The following BIN2 variants were observed in gnomAD, a reference collection of about 807,000 sequenced individuals.
The protein encoded by BIN2 is bridging integrator 2.
A neutral mutation model predicts 67.9 loss-of-function variants in BIN2; 43 were observed. The observed-to-expected ratio is 0.63, with a 90% confidence interval of 0.50 to 0.82. The LOEUF (loss-of-function observed/expected upper bound fraction) is 0.82, where lower values mean the gene tolerates loss of function less well. Ranked by LOEUF, BIN2 falls within the 40% of genes least tolerant of loss-of-function variation. The pLI is 0.00. For missense variants in BIN2, 581 were observed against 671.6 expected (o/e 0.87, Z 1.49); for synonymous variants, 244 against 246.8 (o/e 0.99, Z 0.11).
At chr12:51,290,530 T>C (rs1228172489) in intron 10 of BIN2, among the ~76,000 whole-genome samples, 1 of 151,980 alleles carries the variant, frequency 6.6e-6, no homozygotes, top group African/African-American at 2.4e-5. Context: ...AAGCCCCTTA[T>C]AGAAGTCAAT....
chr12:51,313,832 G>A lies in BIN2; in HGVS notation c.153C>T (p.Tyr51=), dbSNP rs201072153. Residue 51 remains tyrosine (Y), a synonymous_variant, in exon 2 of 13, where the codon TAC becomes TAT. Coordinates refer to ENST00000615107, the MANE Select transcript of BIN2 (RefSeq NM_016293.4). ...ERFEQSASNF[Y]QQQAEGHKLY... ...CTACCCTCCAGATTACCTGTTGTTG[G>A]TAGAAGTTGCTAGCGCTTTGTTCAA... 1.7e-5 allele frequency: 28 copies of A among 1,613,026 alleles called. No homozygotes were observed. The highest frequency in any genetic ancestry group is 1.1e-4 in the South Asian group (10 of 91,058).
intron 5 of BIN2, 47 bp from the exon 6 acceptor site, chr12:51,299,761 G>T: frequency 6.7e-7 from 1 of 1,488,738 alleles, no homozygotes; most frequent in East Asian, 2.3e-5. Flanking sequence ...CTTTTTAGTG[G>T]CCAGGATGTA....
chr12:51,296,278 C>T (rs1026647895), intron 8 of BIN2, among the ~76,000 whole-genome samples: 21 of 152,096 alleles, frequency 1.4e-4, no homozygotes, highest in African/African-American at 4.3e-4. Context: ...GGGCGGATCA[C>T]GAGGTCAGGA....
rs2137431100 is a variant in BIN2, at chr12:51,313,812, C to T, written c.162+11G>A. On this transcript the variant is annotated intron_variant, in intron 2 of 12. Transcript: ENST00000615107. ...TTCTTCCAAGCTTCCCTCCCCTACC[C>T]TCCAGATTACCTGTTGTTGGTAGAA... 1.2e-6 allele frequency: 2 copies of T among 1,609,074 alleles called. No homozygotes were observed. Among genetic ancestry groups the T allele is most frequent in the Non-Finnish European group, 1.7e-6 (2 of 1,175,552 alleles).
chr12:51,282,616 GAC>G (rs1452992495), intron 12 of BIN2, among the ~76,000 whole-genome samples: 2 of 151,970 alleles, frequency 1.3e-5, no homozygotes, highest in African/African-American at 4.8e-5. Flanking sequence ...TTATTTTTGA[GAC>G]ACAGTCTCAC....
intron 11 of BIN2, among the ~76,000 whole-genome samples, 168 bp downstream of exon 11, chr12:51,287,940 C>T (rs1333893304): frequency 2.6e-5 from 4 of 152,122 alleles, no homozygotes; most frequent in African/African-American, 7.2e-5. Flanking sequence ...CATGAGCCAC[C>T]GCGCCCGGCC....
At chr12:51,309,433 C>A (rs1945941471) in intron 2 of BIN2, among the ~76,000 whole-genome samples, 1 of 152,194 alleles carries the variant, frequency 6.6e-6, no homozygotes, top group African/African-American at 2.4e-5. Flanking sequence ...CAGTTCCTGG[C>A]ACACAGCAGG....
upstream of BIN2, chr12:51,324,490 T>A: frequency 6.5e-7 from 1 of 1,527,200 alleles, no homozygotes; most frequent in South Asian, 1.2e-5. Flanking sequence ...ATGATGTGGG[T>A]TCCACTCAGC....
intron 2 of BIN2, among the ~76,000 whole-genome samples, chr12:51,304,463 G>C (rs1420657120): frequency 2.0e-5 from 3 of 152,152 alleles, no homozygotes; most frequent in East Asian, 1.9e-4. Context: ...TTGAAGAGTT[G>C]GTTGGGAATT....
chr12:51,303,139 T>C lies in BIN2; in HGVS notation c.165A>G (p.Ala55=), dbSNP rs756714621. The C allele has an allele frequency of 6.2e-6, 10 of 1,614,080 alleles. No individual in the cohort carries two copies. The highest frequency in any genetic ancestry group is 8.5e-6 in the Non-Finnish European group (10 of 1,179,910). Residue 55 remains alanine (A), a splice_region_variant and synonymous_variant, in exon 3 of 13, where the codon GCA becomes GCG. Coordinates refer to ENST00000615107, the MANE Select transcript of BIN2 (RefSeq NM_016293.4). ...QSASNFYQQQ[A]EGHKLYKDLK... ...GGTCCTTGTACAGCTTGTGGCCTTC[T>C]GCCTGAAAGAGAAAAGTACATTTGG...
chr12:51,302,360 C>G (rs1393876054), intron 4 of BIN2: 1 of 532,178 alleles, frequency 1.9e-6, no homozygotes, highest in South Asian at 2.3e-5. Context: ...GCCTTGGACT[C>G]CAGAGCTTAG....
At chr12:51,290,914 C>G (rs908369836) in intron 10 of BIN2, among the ~76,000 whole-genome samples, 1 of 150,298 alleles carries the variant, frequency 6.7e-6, no homozygotes, top group Non-Finnish European at 1.5e-5. Context: ...TCCTGGGCGA[C>G]AGAGCGAGAC....
chr12:51,302,774 T>G lies in BIN2; in HGVS notation c.224A>C (p.His75Pro), dbSNP rs368812192. The G allele has an allele frequency of 1.9e-6, 3 of 1,612,466 alleles. No homozygotes were observed. Among genetic ancestry groups the G allele is most frequent in the Non-Finnish European group, 2.5e-6 (3 of 1,178,558 alleles). ...TTCTGACACTCTTTTTGAACTTTCA[T>G]GCATCACTGAAAGGAGAGAATTCAG... is the stretch of plus-strand genomic sequence containing the variant. ...KNFLSAVKVM[H>P]ESSKRVSETL... Residue 75 changes from histidine (H) to proline (P), a missense_variant, in exon 4 of 13, where the codon CAT (histidine) becomes CCT (proline). Transcript: ENST00000615107.
chr12:51,317,087 G>A (rs1946153701), intron 1 of BIN2, among the ~76,000 whole-genome samples: 3 of 151,882 alleles, frequency 2.0e-5, no homozygotes, highest in Admixed American at 1.3e-4. Context: ...TGTTGGTCAG[G>A]CTGCTCTCGA....
chr12:51,323,795 T>C (rs1170997251), intron 1 of BIN2, among the ~76,000 whole-genome samples: 1 of 152,222 alleles, frequency 6.6e-6, no homozygotes, highest in Non-Finnish European at 1.5e-5. Context: ...CAGCTTCCCT[T>C]ATCCTTGCCC....
upstream of BIN2, chr12:51,324,381 G>A: frequency 7.6e-7 from 1 of 1,321,138 alleles, no homozygotes; most frequent in East Asian, 2.7e-5. Flanking sequence ...CGGCCTCACT[G>A]AACCAGGTCC....
At chr12:51,301,403 A>G (rs1945719723) in intron 5 of BIN2, among the ~76,000 whole-genome samples, 1 of 152,186 alleles carries the variant, frequency 6.6e-6, no homozygotes, top group African/African-American at 2.4e-5. Flanking sequence ...TCTATACAAT[A>G]AACATCTTTA....
At chr12:51,299,543 T>A in intron 6 of BIN2, 64 bp downstream of exon 6, 1 of 1,492,702 alleles carries the variant, frequency 6.7e-7, no homozygotes, top group South Asian at 1.1e-5. Context: ...AGCCACCTGC[T>A]ACCACCATGG....
intron 11 of BIN2, 47 bp downstream of exon 11, chr12:51,288,061 A>T: frequency 7.5e-7 from 1 of 1,328,548 alleles, no homozygotes; most frequent in Non-Finnish European, 1.1e-6. Context: ...ATTTTAATGT[A>T]CAAAAAAATA....
Sources: gnomAD v4.1 joint callset for allele counts (sites outside exome capture counted in the v4.1 genomes callset) on GRCh38, gnomAD v4.1.1 for gene constraint, MANE v1.5 for transcripts, NCBI Gene and HGNC (gene_info 2026-07-23, HGNC 2026-07-21) for gene names.